PLEKHM3: variants seen among roughly 807,000 people sequenced by gnomAD.
PLEKHM3 encodes the protein pleckstrin homology domain containing M3.
Under a neutral mutation model 81.8 loss-of-function variants are expected in PLEKHM3, and 45 were observed. The observed-to-expected ratio is 0.55, with a 90% CI of 0.43 to 0.71. The LOEUF is 0.71. Among genes scored for constraint, PLEKHM3 ranks in the 30% least tolerant of loss-of-function variants. The probability of loss-of-function intolerance (pLI) is 0.00; values close to 1 mark genes in which losing one functional copy is unlikely to be tolerated. For missense variants in PLEKHM3, 788 were observed against 924.3 expected, an observed-to-expected ratio of 0.85 and a Z score of 1.91; for synonymous variants, 352 against 356.4, an observed-to-expected ratio of 0.99 and a Z score of 0.14.
chr2:207,935,275 A>T (rs1689712794), intron 4 of PLEKHM3, among the ~76,000 whole-genome samples: 1 of 152,188 alleles, frequency 6.6e-6, no homozygotes, highest in Non-Finnish European at 1.5e-5. Context: ...TGTACCGAAG[A>T]AAACCTGCTT....
rs535531021 is a variant in PLEKHM3, at chr2:207,843,908, A to G, written c.2109-15412T>C. On this transcript the variant is annotated intron_variant, in intron 7 of 7. Coordinates refer to ENST00000427836, the MANE Select transcript of PLEKHM3 (RefSeq NM_001080475.3). This position sits in a 1 kb window ranked among gnomAD's most constrained non-coding sequence, Gnocchi z 4.4. ...AGCTGGAGACCAGTCTGAGCAACAT[A>G]TTGAGATCTTGTCTCCACAGATAAA... Among the ~76,000 whole-genome samples, 7 of 152,150 alleles carry G rather than the reference A, an allele frequency of 4.6e-5. No homozygotes were observed. In the East Asian group the frequency reaches 1.4e-3, roughly 29 times the overall value.
At chr2:207,829,654 G>T (rs1307810782) in intron 7 of PLEKHM3, among the ~76,000 whole-genome samples, 1 of 152,130 alleles carries the variant, frequency 6.6e-6, no homozygotes, top group East Asian at 1.9e-4. Flanking sequence ...TATGGACTGA[G>T]TTTTCATCCT....
chr2:207,889,573 A>G (rs1321627102), intron 6 of PLEKHM3, among the ~76,000 whole-genome samples: 1 of 152,088 alleles, frequency 6.6e-6, no homozygotes, highest in Non-Finnish European at 1.5e-5. Context: ...GGAAAGAGAA[A>G]GTCCCTTAGG....
intron 2 of PLEKHM3, among the ~76,000 whole-genome samples, chr2:207,995,002 C>T (rs922916389): frequency 3.3e-5 from 5 of 152,130 alleles, no homozygotes; most frequent in Admixed American, 6.5e-5. Context: ...ACGTTCTGCG[C>T]GTGTATCACA....
At chr2:207,952,194 T>G (rs1450849745) in intron 3 of PLEKHM3, among the ~76,000 whole-genome samples, 1 of 152,126 alleles carries the variant, frequency 6.6e-6, no homozygotes, top group Non-Finnish European at 1.5e-5. Context: ...TCGTTTTCTC[T>G]GTAAAAATAG....
rs756888236 is a variant in PLEKHM3, at chr2:207,977,311, C to A, written c.886G>T (p.Ala296Ser). 1 of 1,614,206 alleles carries A rather than the reference C, an allele frequency of 6.2e-7. No homozygotes were observed. Among genetic ancestry groups the A allele is most frequent in the South Asian group, 1.1e-5 (1 of 91,088 alleles). Residue 296 changes from alanine (A) to serine (S), a missense_variant, in exon 3 of 8, where the codon GCT (alanine) becomes TCT (serine). Coordinates refer to ENST00000427836, the MANE Select transcript of PLEKHM3 (RefSeq NM_001080475.3). ...LQLKAESPWEALDWGQKLWEV... is the reference protein window; with the variant it reads ...LQLKAESPWESLDWGQKLWEV... ...CAAAGCTTCTGTCCCCAGTCCAAAG[C>A]CTCCCATGGTGACTCTGCCTTTAGC...
rs142734690 is a variant in PLEKHM3, at chr2:208,019,218, A to G, written c.-319+6171T>C. Among the ~76,000 whole-genome samples, 712 of 152,232 alleles carry G rather than the reference A, an allele frequency of 4.7e-3. 5 individuals carry two copies. The highest frequency in any genetic ancestry group is 0.016 in the African/African-American group (680 of 41,530). ...CTATGCAGTAGGCTGAGGTAGGAGG[A>G]TCGCTTGGGCTCAGGAGTTTGAGGC... On this transcript the variant is annotated intron_variant, in intron 1 of 7. Transcript: ENST00000427836.
rs555744174 is a variant in PLEKHM3, at chr2:208,005,856, T to C, written c.-318-3899A>G. 3.9e-5 allele frequency among the ~76,000 whole-genome samples: 6 copies of C among 152,334 alleles called. No homozygotes were observed. The East Asian group carries it at 7.7e-4, about 20-fold the overall frequency. On this transcript the variant is annotated intron_variant, in intron 1 of 7. Transcript: ENST00000427836. ...GTTGAACAAATGCATTGTTGTCGCA[T>C]TGCATAAGAGATAGCGCCTCATGAC... is the stretch of plus-strand genomic sequence containing the variant.
At chr2:207,986,676 G>GT (rs5838100) in intron 2 of PLEKHM3, among the ~76,000 whole-genome samples, 84,270 of 144,478 alleles carry the variant, frequency 0.58, 27,116 homozygotes, top group Non-Finnish European at 0.72. Context: ...AAATTTTTTT[G>GT]TTTTTTTTTT....
At chr2:207,916,680 G>A (rs933563717) in intron 5 of PLEKHM3, among the ~76,000 whole-genome samples, 2 of 152,184 alleles carry the variant, frequency 1.3e-5, no homozygotes, top group East Asian at 1.9e-4. Flanking sequence ...CCCAGGAGGC[G>A]GAGGTTGCAG....
intron 2 of PLEKHM3, among the ~76,000 whole-genome samples, chr2:207,999,527 G>A (rs1000754904): frequency 3.3e-5 from 5 of 152,112 alleles, no homozygotes. Flanking sequence ...GATCCCATGA[G>A]CCAAGAGTTT....
chr2:207,856,369 A>T (rs2092437757), intron 7 of PLEKHM3, among the ~76,000 whole-genome samples: 1 of 152,180 alleles, frequency 6.6e-6, no homozygotes, highest in African/African-American at 2.4e-5. Context: ...TGATGTATGA[A>T]ACCATAGATT....
At chr2:207,936,247 T>C (rs905476287) in intron 4 of PLEKHM3, among the ~76,000 whole-genome samples, 1 of 152,220 alleles carries the variant, frequency 6.6e-6, no homozygotes, top group Non-Finnish European at 1.5e-5. Flanking sequence ...ACTAGGATTA[T>C]AGGCACGAGC....
At chr2:207,906,617 C>T (rs533082905) in intron 6 of PLEKHM3, among the ~76,000 whole-genome samples, 5 of 152,110 alleles carry the variant, frequency 3.3e-5, no homozygotes, top group African/African-American at 7.2e-5. Flanking sequence ...GGTGAAACCC[C>T]GTCTCTAGTA....
chr2:207,887,507 C>T (rs571441583), intron 6 of PLEKHM3, among the ~76,000 whole-genome samples: 8 of 152,288 alleles, frequency 5.3e-5, no homozygotes, highest in Admixed American at 6.5e-5. Context: ...AGTGTCTCAT[C>T]TATTTGGAGT....
chr2:207,851,976 T>C (rs2092415314), intron 7 of PLEKHM3, among the ~76,000 whole-genome samples: 1 of 152,108 alleles, frequency 6.6e-6, no homozygotes. Context: ...AACAGTACTT[T>C]GGCCATTTTA....
intron 3 of PLEKHM3, among the ~76,000 whole-genome samples, chr2:207,948,596 T>G (rs1240666093): frequency 1.3e-5 from 2 of 148,320 alleles, no homozygotes; most frequent in African/African-American, 5.0e-5. Context: ...CAGGCTGGAG[T>G]GCGGTGGCGC....
intron 3 of PLEKHM3, among the ~76,000 whole-genome samples, chr2:207,957,914 G>T (rs1690574769): frequency 6.6e-6 from 1 of 152,144 alleles, no homozygotes; most frequent in Non-Finnish European, 1.5e-5. Context: ...TTTTTGGTAG[G>T]ATGGGTGGGT....
intron 2 of PLEKHM3, among the ~76,000 whole-genome samples, chr2:207,998,374 T>C (rs1692188718): frequency 6.6e-6 from 1 of 152,108 alleles, no homozygotes; most frequent in African/African-American, 2.4e-5. Context: ...TAGCCAGGCA[T>C]GGTGGTACAT....
Sources: gnomAD v4.1 joint callset for allele counts (sites outside exome capture counted in the v4.1 genomes callset) on GRCh38, gnomAD v4.1.1 for gene constraint, Gnocchi (gnomAD v3.1) non-coding constraint, MANE v1.5 for transcripts, NCBI Gene and HGNC (gene_info 2026-07-23, HGNC 2026-07-21) for gene names.